The following PDE4D variants were observed in gnomAD, a reference collection of about 807,000 sequenced individuals.
PDE4D encodes 3',5'-cyclic-AMP phosphodiesterase 4D.
Under a neutral mutation model 87.4 loss-of-function variants are expected in PDE4D, and 24 were observed. The ratio of observed to expected loss-of-function variants is 0.27; its 90% CI spans 0.20 to 0.39. The LOEUF (loss-of-function observed/expected upper bound fraction) is 0.39, where lower values mean the gene tolerates loss of function less well. Among genes scored for constraint, PDE4D ranks in the 10% least tolerant of loss-of-function variants. The pLI is 1.00. For missense variants in PDE4D, 714 were observed against 1,041.0 expected, an observed-to-expected ratio of 0.69 and a Z score of 4.32; for synonymous variants, 384 against 383.2, an observed-to-expected ratio of 1.00 and a Z score of -0.02.
intron 2 of PDE4D, 142 bp downstream of exon 2, chr5:59,215,635 T>C (rs1751082860): frequency 1.5e-6 from 1 of 674,680 alleles, no homozygotes. Context: ...CATTCATTTC[T>C]AGCTTGTATA....
chr5:59,371,166 T>C (rs1783868615), intron 1 of PDE4D, among the ~76,000 whole-genome samples: 1 of 152,212 alleles, frequency 6.6e-6, no homozygotes, highest in South Asian at 2.1e-4. Context: ...TATATTACTG[T>C]ATTATGAACA....
In PDE4D at chr5:59,090,882, TA is replaced by T. The variant is rs549067829; in HGVS notation, c.809-51912del. The stretch of plus-strand genomic sequence containing the variant: ...GATGCTGCAAAATATATTCCAGTGA[TA>T]AGCATATGGCAAGCAATTAATGGAT... On this transcript the variant is annotated intron_variant, in intron 5 of 14. Transcript: ENST00000340635. Among the ~76,000 whole-genome samples the T allele has an allele frequency of 1.8e-3, 261 of 146,444 alleles. 1 individual carries two copies. The highest frequency in any genetic ancestry group is 5.1e-3 in the Admixed American group (71 of 14,020).
At chr5:59,091,458 T>C (rs1324343097) in intron 5 of PDE4D, among the ~76,000 whole-genome samples, 5 of 152,116 alleles carry the variant, frequency 3.3e-5, no homozygotes, top group Non-Finnish European at 5.9e-5. Context: ...TGATATATAT[T>C]ATGATGTGCA....
intron 5 of PDE4D, among the ~76,000 whole-genome samples, chr5:59,073,277 A>T (rs1187017768): frequency 1.3e-5 from 2 of 152,070 alleles, no homozygotes; most frequent in Non-Finnish European, 2.9e-5. Context: ...AACTCACTTG[A>T]CCTGCTAAGC....
chr5:60,082,733 T>A (rs1460626505), intron 2 of PDE4D, among the ~76,000 whole-genome samples: 1 of 152,166 alleles, frequency 6.6e-6, no homozygotes, highest in Non-Finnish European at 1.5e-5. Flanking sequence ...ATGTCACATA[T>A]CTGGGTATCA....
intron 1 of PDE4D, among the ~76,000 whole-genome samples, chr5:60,432,120 G>GAGGGT (rs1561250743): frequency 2.7e-5 from 3 of 110,734 alleles, no homozygotes; most frequent in African/African-American, 1.2e-4. Flanking sequence ...AGGGAGAGGG[G>GAGGGT]ATTAGTTTTT....
intron 1 of PDE4D, among the ~76,000 whole-genome samples, chr5:59,818,937 TA>T (rs1349995977): frequency 6.8e-5 from 10 of 146,386 alleles, no homozygotes; most frequent in African/African-American, 1.0e-4. Context: ...AAGAGATAAA[TA>T]GGGGGGGAAT....
intron 2 of PDE4D, among the ~76,000 whole-genome samples, chr5:60,063,099 A>AAAG (rs1230772163): frequency 1.4e-3 from 55 of 38,144 alleles, no homozygotes; most frequent in African/African-American, 5.3e-3. Context: ...AAGAAAGAAG[A>AAAG]AAGAAAGAAA....
At chr5:59,322,521 C>T (rs1774894525) in intron 1 of PDE4D, among the ~76,000 whole-genome samples, 1 of 152,120 alleles carries the variant, frequency 6.6e-6, no homozygotes, top group Non-Finnish European at 1.5e-5. Context: ...GCTCATTGGG[C>T]ACTCCATAGT....
intron 2 of PDE4D, among the ~76,000 whole-genome samples, chr5:60,046,039 C>A (rs1257241004): frequency 6.6e-6 from 1 of 152,014 alleles, no homozygotes; most frequent in Non-Finnish European, 1.5e-5. Flanking sequence ...CTTTTATTTC[C>A]TTGAGCAGTG....
At chr5:60,185,675 G>T in exon 2 of PDE4D, 1 of 855,822 alleles carries the variant, frequency 1.2e-6, no homozygotes, top group Non-Finnish European at 1.8e-6. Flanking sequence ...CCACTCAAAA[G>T]CCAACTGGAA....
At chr5:59,817,898 G>GTTAT in intron 1 of PDE4D, among the ~76,000 whole-genome samples, 1 of 152,264 alleles carries the variant, frequency 6.6e-6, no homozygotes, top group South Asian at 2.1e-4. Flanking sequence ...ATAAATGATT[G>GTTAT]TTATTTAAGC....
intron 1 of PDE4D, among the ~76,000 whole-genome samples, chr5:59,523,303 T>C (rs1812549168): frequency 6.6e-6 from 1 of 152,236 alleles, no homozygotes; most frequent in South Asian, 2.1e-4. Context: ...TGAATTTTTA[T>C]AGATCTAACA....
intron 1 of PDE4D, among the ~76,000 whole-genome samples, chr5:59,338,525 C>T (rs1424673580): frequency 1.3e-5 from 2 of 152,134 alleles, no homozygotes; most frequent in Admixed American, 6.5e-5. Flanking sequence ...AAAGAGTGTT[C>T]GGCTAGGCAG....
chr5:59,686,101 G>T (rs1254791375), intron 1 of PDE4D, among the ~76,000 whole-genome samples: 1 of 152,094 alleles, frequency 6.6e-6, no homozygotes, highest in African/African-American at 2.4e-5. Context: ...CCAGATGGTG[G>T]TGTCTCTCAC....
chr5:60,130,951 T>C (rs1779512322), intron 2 of PDE4D, among the ~76,000 whole-genome samples: 1 of 152,184 alleles, frequency 6.6e-6, no homozygotes, highest in Admixed American at 6.5e-5. Flanking sequence ...TTCATTTTTA[T>C]GACTATGTAA....
At chr5:59,643,217 G>C (rs924686642) in intron 1 of PDE4D, among the ~76,000 whole-genome samples, 2 of 152,164 alleles carry the variant, frequency 1.3e-5, no homozygotes, top group African/African-American at 2.4e-5. Context: ...ATAAGGAGGA[G>C]GGATCACTGC....
chr5:59,635,080 CA>C (rs1418940779), intron 1 of PDE4D, among the ~76,000 whole-genome samples: 2 of 152,196 alleles, frequency 1.3e-5, no homozygotes, highest in South Asian at 2.1e-4. Context: ...CACAGAAATA[CA>C]AACTACCACC....
intron 1 of PDE4D, among the ~76,000 whole-genome samples, chr5:59,277,221 C>A (rs1561866402): frequency 6.6e-6 from 1 of 152,124 alleles, no homozygotes; most frequent in East Asian, 1.9e-4. Flanking sequence ...TTCATCTGCT[C>A]CCCTGGTCAC....
Sources: allele counts gnomAD v4.1 joint callset (sites outside exome capture counted in the v4.1 genomes callset), GRCh38; gene constraint gnomAD v4.1.1; transcripts MANE v1.5; gene names NCBI Gene and HGNC (gene_info 2026-07-23, HGNC 2026-07-21).